The following MTMR7 variants were observed in gnomAD, a reference collection of about 807,000 sequenced individuals.
The protein encoded by MTMR7 is myotubularin related protein 7.
A neutral mutation model predicts 81.2 loss-of-function variants in MTMR7; 76 were observed. The observed-to-expected ratio is 0.94, with a 90% confidence interval of 0.78 to 1.13. The LOEUF (loss-of-function observed/expected upper bound fraction) is 1.13. MTMR7 is among the 50% of genes most tolerant of loss of function. MTMR7 has a pLI of 0.00. For synonymous variants in MTMR7, 372 were observed against 289.8 expected (o/e 1.28, Z -2.88); for missense variants, 1,044 against 820.0 (o/e 1.27, Z -3.34).
chr8:17,405,080 G>C (rs1170442727), intron 1 of MTMR7, among the ~76,000 whole-genome samples: 1 of 152,222 alleles, frequency 6.6e-6, no homozygotes, highest in Non-Finnish European at 1.5e-5. Context: ...CTGAACTTCT[G>C]ACCTCAAACG....
intron 1 of MTMR7, among the ~76,000 whole-genome samples, chr8:17,406,981 C>T (rs1351426018): frequency 6.6e-6 from 1 of 151,966 alleles, no homozygotes; most frequent in East Asian, 1.9e-4. Flanking sequence ...GACTGAATGC[C>T]AATGGGTATA....
chr8:17,314,856 CCTTT>C (rs1330223262), intron 7 of MTMR7, among the ~76,000 whole-genome samples: 1 of 152,188 alleles, frequency 6.6e-6, no homozygotes, highest in East Asian at 1.9e-4. Context: ...CAGAGCACTA[CCTTT>C]CTAAGGTCAC....
chr8:17,367,060 G>A (rs540371458), intron 3 of MTMR7, among the ~76,000 whole-genome samples: 1 of 152,154 alleles, frequency 6.6e-6, no homozygotes, highest in South Asian at 2.1e-4. Flanking sequence ...TAACACAGTG[G>A]AAAAGGGCTG....
rs904524648 is a variant in MTMR7 at position 17,298,956 on chromosome 8, A to C, written c.*906T>G. ...TTCCCTTCATTAAACAGACATGACA[A>C]CCCAATTCTCTGGTTCTTGAAACTG... On this transcript the variant is annotated 3_prime_UTR_variant, in exon 14 of 14. Coordinates refer to ENST00000180173, the MANE Select transcript of MTMR7 (RefSeq NM_004686.5). 13 of 152,206 alleles carry C rather than the reference A, an allele frequency of 8.5e-5. No homozygotes were observed. Among genetic ancestry groups the C allele is most frequent in the African/African-American group, 3.1e-4 (13 of 41,462 alleles). The allele number at this position is 152,206 out of a possible 1,614,324, so 9.4% of individuals were successfully genotyped here.
chr8:17,300,349 G>T, intron 13 of MTMR7, 125 bp from the exon 14 acceptor site: 2 of 1,078,554 alleles, frequency 1.9e-6, no homozygotes, highest in Non-Finnish European at 1.3e-6. Flanking sequence ...GACTCAGAGG[G>T]ATGTGAGTTC....
At chr8:17,368,483 C>G (rs1820306389) in intron 3 of MTMR7, among the ~76,000 whole-genome samples, 1 of 152,200 alleles carries the variant, frequency 6.6e-6, no homozygotes, top group Non-Finnish European at 1.5e-5. Flanking sequence ...TACACACACA[C>G]CCTTATTCTC....
chr8:17,355,812 G>T lies in MTMR7; in HGVS notation c.468+5305C>A, dbSNP rs186482481. Among the ~76,000 whole-genome samples the T allele has an allele frequency of 2.7e-3, 407 of 152,238 alleles. 1 individual carries two copies. Among genetic ancestry groups the T allele is most frequent in the Admixed American group, 4.4e-3 (67 of 15,282 alleles). ...AGATAATTCACAGAAGAGTCAACAT[G>T]AACAGCCAAGAAACACAAGCTTAAC... On this transcript the variant is annotated intron_variant, in intron 4 of 13. Coordinates refer to ENST00000180173, the MANE Select transcript of MTMR7 (RefSeq NM_004686.5).
In MTMR7 at chr8:17,349,062, G is replaced by A; in HGVS notation, c.488C>T (p.Thr163Ile). 8.7e-6 allele frequency: 14 copies of A among 1,612,360 alleles called. No homozygotes were observed. The highest frequency in any genetic ancestry group is 1.2e-5 in the Non-Finnish European group (14 of 1,179,796). Residue 163 changes from threonine to isoleucine, a missense_variant, in exon 5 of 14, where the codon ACT becomes ATT. Thr to Ile is a moderately conservative substitution (Grantham distance 89, BLOSUM62 -1). Coordinates refer to ENST00000180173, the MANE Select transcript of MTMR7 (RefSeq NM_004686.5). ...GGCCGATTTGGGAACGTACAGTTCA[G>A]TAGGATAAGAGTCACAGACCTGTCA... ...RDYRVCDSYP[T>I]ELYVPKSATA...
At position 17,311,009 on chromosome 8, in the gene MTMR7, C is replaced by A. The variant is rs549626051; in HGVS notation, c.1101+502G>T. Among the ~76,000 whole-genome samples, 7 of 152,270 alleles carry A rather than the reference C, an allele frequency of 4.6e-5. No individual in the cohort carries two copies. In the East Asian group the frequency reaches 1.2e-3, roughly 25 times the overall value. ...TACTCGTCATTTCAGCAAAGAACAA[C>A]AACAAAAGGCTGTGAAATTTTCAGC... On this transcript the variant is annotated intron_variant, in intron 9 of 13. Transcript: ENST00000180173.
In MTMR7 at chr8:17,361,255, G is replaced by C. The variant is rs768549207; in HGVS notation, c.330C>G (p.Tyr110Ter). 1 of 1,614,046 alleles carries C rather than the reference G, an allele frequency of 6.2e-7. No individual in the cohort carries two copies. Among genetic ancestry groups the C allele is most frequent in the Non-Finnish European group, 8.5e-7 (1 of 1,180,032 alleles). The change falls in exon 4 of 14, where the codon TAC becomes TAG. Residue 110 changes from tyrosine to a stop codon, truncating the protein, a stop_gained. Transcript: ENST00000180173. LOFTEE classifies it high-confidence loss of function. Reference sequence around the variant, plus strand: ...CCAGCATGGGGTTGAATGAAAAGCAGTATAACTCCTCATATTTCACTGCAA... The same window carrying C: ...CCAGCATGGGGTTGAATGAAAAGCACTATAACTCCTCATATTTCACTGCAA... ...LARPVKYEEL[Y>*]CFSFNPMLDK...
intron 1 of MTMR7, among the ~76,000 whole-genome samples, chr8:17,396,907 G>T (rs970894350): frequency 6.6e-6 from 1 of 151,932 alleles, no homozygotes; most frequent in Non-Finnish European, 1.5e-5. Context: ...ATACCAGGCA[G>T]AGTTAGTTGT....
chr8:17,355,528 G>A (rs749207973), intron 4 of MTMR7, among the ~76,000 whole-genome samples: 21 of 151,460 alleles, frequency 1.4e-4, no homozygotes, highest in Non-Finnish European at 1.8e-4. Context: ...TTTATACAGC[G>A]TCAAATTGGG....
chr8:17,413,055 C>T (rs1015641289), intron 1 of MTMR7, among the ~76,000 whole-genome samples: 3 of 152,216 alleles, frequency 2.0e-5, no homozygotes, highest in African/African-American at 7.2e-5. Context: ...AGGTCAGACC[C>T]AGCAGCAGCT....
intron 3 of MTMR7, among the ~76,000 whole-genome samples, chr8:17,365,885 T>G (rs759141942): frequency 1.5e-4 from 23 of 152,240 alleles, no homozygotes; most frequent in Non-Finnish European, 3.2e-4. Flanking sequence ...ACAGTTTGGC[T>G]GTTTCTAGGA....
intron 1 of MTMR7, among the ~76,000 whole-genome samples, chr8:17,376,051 T>C (rs1820575935): frequency 6.6e-6 from 1 of 152,202 alleles, no homozygotes; most frequent in African/African-American, 2.4e-5. Context: ...AAAGAAATCC[T>C]GCACCCACTA....
At chr8:17,354,041 G>T (rs1819813975) in intron 4 of MTMR7, among the ~76,000 whole-genome samples, 1 of 152,138 alleles carries the variant, frequency 6.6e-6, no homozygotes. Context: ...ATTTATCACT[G>T]CAGGCTACTA....
chr8:17,360,478 G>GT (rs79253452), intron 4 of MTMR7, among the ~76,000 whole-genome samples: 12,621 of 143,480 alleles, frequency 0.088, 1,680 homozygotes, highest in African/African-American at 0.29. Flanking sequence ...TGGGTTTGGG[G>GT]TTTTTTTTTT....
chr8:17,349,207 A>G (rs1315414643), intron 4 of MTMR7, 126 bp from the exon 5 acceptor site: 1 of 1,178,592 alleles, frequency 8.5e-7, no homozygotes. Context: ...GTTACAGAGG[A>G]GGCTATTTCG....
intron 13 of MTMR7, among the ~76,000 whole-genome samples, chr8:17,301,255 G>C (rs13256987): frequency 0.023 from 3,517 of 152,310 alleles, 60 homozygotes; most frequent in Non-Finnish European, 0.039. Flanking sequence ...TGCAATGTAA[G>C]AATTTCAAAA....
Sources: gnomAD v4.1 joint callset for allele counts (sites outside exome capture counted in the v4.1 genomes callset) on GRCh38, gnomAD v4.1.1 for gene constraint, MANE v1.5 for transcripts, NCBI Gene and HGNC (gene_info 2026-07-23, HGNC 2026-07-21) for gene names.